BFSP2: variants seen among roughly 807,000 people sequenced by gnomAD.
BFSP2 encodes beaded filament structural protein 2, also known as phakinin.
BFSP2 carries 38 observed loss-of-function variants against 44.9 expected under a neutral mutation model. The observed-to-expected ratio is 0.85, with a 90% CI of 0.65 to 1.11. The LOEUF (loss-of-function observed/expected upper bound fraction) is 1.11, where lower values mean the gene tolerates loss of function less well. Ranked by LOEUF, BFSP2 falls within the 50% of genes least tolerant of loss-of-function variation. The pLI is 0.00. For synonymous variants in BFSP2, 197 were observed against 209.9 expected (o/e 0.94, Z 0.53); for missense variants, 525 against 533.0 (o/e 0.99, Z 0.15).
At chr3:133,434,195 C>A (rs1432233337) in intron 1 of BFSP2, among the ~76,000 whole-genome samples, 1 of 152,208 alleles carries the variant, frequency 6.6e-6, no homozygotes, top group African/African-American at 2.4e-5. Flanking sequence ...ATCAGATGTC[C>A]TAGGTCCTGC....
At position 133,400,307 on chromosome 3, in the gene BFSP2, G is replaced by T. The variant is rs1193269946; in HGVS notation, c.224G>T (p.Arg75Leu). The change falls in exon 1 of 7, where the codon CGC becomes CTC. Residue 75 changes from arginine (R) to leucine (L), a missense_variant. Physicochemically the swap from Arg to Leu is moderately radical, Grantham distance 102. Transcript: ENST00000302334. This position sits in a 1 kb window ranked among gnomAD's most constrained non-coding sequence, Gnocchi z 4.0. Reference sequence around the variant, plus strand: ...GGTGGCTTGGGTGCCCGTGTGACCCGCCGGGCCCTCGGCATCAGCAGTGTC... The same window carrying T: ...GGTGGCTTGGGTGCCCGTGTGACCCTCCGGGCCCTCGGCATCAGCAGTGTC... ...CIGGLGARVT[R>L]RALGISSVFL... 6.2e-7 allele frequency: 1 copy of T among 1,613,998 alleles called. No individual in the cohort carries two copies. Among genetic ancestry groups the T allele is most frequent in the South Asian group, 1.1e-5 (1 of 91,078 alleles).
chr3:133,419,324 A>G (rs1011257008), intron 1 of BFSP2, among the ~76,000 whole-genome samples: 48 of 152,166 alleles, frequency 3.2e-4, no homozygotes, highest in Admixed American at 9.8e-4. Flanking sequence ...AGCCCGTAAT[A>G]CCCATTTTAC....
chr3:133,449,500 TTTTGTTTGTTTGTTTG>T (rs144765332), intron 3 of BFSP2, among the ~76,000 whole-genome samples: 98 of 150,966 alleles, frequency 6.5e-4, no homozygotes, highest in African/African-American at 2.0e-3. Context: ...ACATGTGGTT[TTTTGTTTGTTTGTTTG>T]TTTGTTTGTT....
chr3:133,456,030 G>A (rs747837366), intron 4 of BFSP2, among the ~76,000 whole-genome samples: 1 of 152,194 alleles, frequency 6.6e-6, no homozygotes, highest in Non-Finnish European at 1.5e-5. Context: ...ACTGGTTGAT[G>A]TATACAATAC....
chr3:133,454,517 A>G (rs921369030), intron 4 of BFSP2, among the ~76,000 whole-genome samples: 2 of 152,244 alleles, frequency 1.3e-5, no homozygotes, highest in African/African-American at 4.8e-5. Context: ...GTCCCATAAG[A>G]CAGCCCTCAC....
chr3:133,438,100 A>G (rs1456550196), intron 1 of BFSP2, among the ~76,000 whole-genome samples: 1 of 152,234 alleles, frequency 6.6e-6, no homozygotes, highest in African/African-American at 2.4e-5. Flanking sequence ...AAAGTGATCA[A>G]AACAGCCAGT....
chr3:133,465,946 G>A (rs2074105376), intron 4 of BFSP2, among the ~76,000 whole-genome samples: 1 of 152,136 alleles, frequency 6.6e-6, no homozygotes, highest in African/African-American at 2.4e-5. Context: ...GAAACAATCT[G>A]AGTGTCCACC....
At chr3:133,428,008 T>C (rs1311262968) in intron 1 of BFSP2, among the ~76,000 whole-genome samples, 1 of 152,172 alleles carries the variant, frequency 6.6e-6, no homozygotes, top group Non-Finnish European at 1.5e-5. Context: ...TTAAATAACT[T>C]TTCCAAGATT....
At chr3:133,446,760 T>G (rs1171425444) in intron 1 of BFSP2, among the ~76,000 whole-genome samples, 2 of 150,106 alleles carry the variant, frequency 1.3e-5, no homozygotes, top group Admixed American at 1.3e-4. Context: ...ACCCCTAAAC[T>G]ATATCCACAA....
Position 133,450,314 on chromosome 3 carries a change from G to A in BFSP2, c.741G>A (p.Leu247=). 1.2e-6 allele frequency: 2 copies of A among 1,614,184 alleles called. No homozygotes were observed. Among genetic ancestry groups the A allele is most frequent in the Non-Finnish European group, 1.7e-6 (2 of 1,180,014 alleles). Residue 247 remains leucine, a synonymous_variant, in exon 4 of 7, where the codon CTG becomes CTA. Transcript: ENST00000302334. The part of the protein sequence containing the change: ...LSRNYEEDVK[L]LHKQLAGCEL... ...ATTGTTGTTTTCAGGATGTGAAGCTGCTGCACAAACAGTTGGCAGGGTGTG... is the reference window on the plus strand; with the variant it reads ...ATTGTTGTTTTCAGGATGTGAAGCTACTGCACAAACAGTTGGCAGGGTGTG...
chr3:133,454,304 C>G (rs1483583117), intron 4 of BFSP2, among the ~76,000 whole-genome samples: 1 of 152,196 alleles, frequency 6.6e-6, no homozygotes, highest in Non-Finnish European at 1.5e-5. Context: ...CTACTCCAGC[C>G]TGGGCAACAT....
chr3:133,437,592 A>G (rs1351332186), intron 1 of BFSP2, among the ~76,000 whole-genome samples: 3 of 151,808 alleles, frequency 2.0e-5, no homozygotes, highest in Non-Finnish European at 2.9e-5. Flanking sequence ...GAAGGAAGGA[A>G]GGAAGGAGAA....
chr3:133,415,024 A>C (rs1355139441), intron 1 of BFSP2, among the ~76,000 whole-genome samples: 18 of 68,258 alleles, frequency 2.6e-4, no homozygotes, highest in Admixed American at 6.0e-4. Flanking sequence ...TCACCCCCCT[A>C]CTCATCCCTG....
At position 133,422,042 on chromosome 3, in the gene BFSP2, G is replaced by A. The variant is rs185892075; in HGVS notation, c.489+21470G>A. ...AAATTGCTTGAAACCGGGAGGCAGA[G>A]GTTGCAGTGAGCCAAGATAGCGCCA... On this transcript the variant is annotated intron_variant, in intron 1 of 6. Coordinates refer to ENST00000302334, the MANE Select transcript of BFSP2 (RefSeq NM_003571.4). Among the ~76,000 whole-genome samples, 18 of 147,418 alleles carry A rather than the reference G, an allele frequency of 1.2e-4. No individual in the cohort carries two copies. The East Asian group carries it at 2.9e-3, about 24-fold the overall frequency.
chr3:133,431,120 C>T (rs1353744373), intron 1 of BFSP2, among the ~76,000 whole-genome samples: 1 of 152,104 alleles, frequency 6.6e-6, no homozygotes, highest in Non-Finnish European at 1.5e-5. Context: ...CAGCCCTAGA[C>T]CCTAAAAGGT....
chr3:133,423,483 G>A (rs1236801552), intron 1 of BFSP2, among the ~76,000 whole-genome samples: 1 of 144,600 alleles, frequency 6.9e-6, no homozygotes, highest in East Asian at 2.1e-4. Flanking sequence ...TAACCGCATG[G>A]ACTACACAGC....
intron 1 of BFSP2, among the ~76,000 whole-genome samples, chr3:133,402,480 G>A (rs781266202): frequency 2.6e-5 from 4 of 152,006 alleles, no homozygotes; most frequent in African/African-American, 7.3e-5. Flanking sequence ...CAAGACATGC[G>A]ACCTCTGTAG....
chr3:133,421,938 C>G (rs1458115838), intron 1 of BFSP2, among the ~76,000 whole-genome samples: 1 of 151,988 alleles, frequency 6.6e-6, no homozygotes, highest in Non-Finnish European at 1.5e-5. Flanking sequence ...GAAAACCCGC[C>G]TCTACTAAAA....
chr3:133,425,006 G>A (rs1199234594), intron 1 of BFSP2, among the ~76,000 whole-genome samples: 1 of 152,202 alleles, frequency 6.6e-6, no homozygotes. Context: ...TCACAGATAA[G>A]GCTACAACTC....
Sources: gnomAD v4.1 joint callset for allele counts (sites outside exome capture counted in the v4.1 genomes callset) on GRCh38, gnomAD v4.1.1 for gene constraint, Gnocchi (gnomAD v3.1) non-coding constraint, MANE v1.5 for transcripts, NCBI Gene and HGNC (gene_info 2026-07-23, HGNC 2026-07-21) for gene names.